REDIC1: variants seen among roughly 807,000 people sequenced by gnomAD.
REDIC1 encodes regulator of DNA class I crossover intermediates 1.
At chr12:39,742,204 G>C in the REDIC1 span, among the ~76,000 whole-genome samples, 1 of 152,166 alleles carries the variant, frequency 6.6e-6, no homozygotes, top group African/African-American at 2.4e-5. Flanking sequence ...TTTACAGGTA[G>C]CAGTCAGTAC....
chr12:39,725,086 C>T, the REDIC1 span, among the ~76,000 whole-genome samples: 1 of 151,854 alleles, frequency 6.6e-6, no homozygotes, highest in Non-Finnish European at 1.5e-5. Context: ...ATGACAGAGC[C>T]TCAAAGTCAA....
the REDIC1 span, among the ~76,000 whole-genome samples, chr12:39,652,533 A>G: frequency 1.3e-5 from 2 of 152,058 alleles, no homozygotes; most frequent in Admixed American, 1.3e-4. Flanking sequence ...GACTCTGGTG[A>G]AATGTTTACC....
chr12:39,733,257 G>T, the REDIC1 span, among the ~76,000 whole-genome samples: 1 of 152,126 alleles, frequency 6.6e-6, no homozygotes, highest in Admixed American at 6.5e-5. Context: ...TGAAATGTTT[G>T]ATAATAATCA....
At chr12:39,777,825 C>T in the REDIC1 span, among the ~76,000 whole-genome samples, 1 of 152,168 alleles carries the variant, frequency 6.6e-6, no homozygotes, top group East Asian at 1.9e-4. Context: ...AAAACCTGCT[C>T]AATAAAACCT....
chr12:39,817,802 C>T, the REDIC1 span, among the ~76,000 whole-genome samples: 1 of 152,044 alleles, frequency 6.6e-6, no homozygotes, highest in Admixed American at 6.5e-5. Flanking sequence ...TGTCAGTATA[C>T]CCGGGGCAAT....
the REDIC1 span, among the ~76,000 whole-genome samples, chr12:39,653,592 C>CTTTTTCTTCTTCT: frequency 4.4e-5 from 1 of 22,770 alleles, no homozygotes; most frequent in African/African-American, 1.0e-4. Flanking sequence ...CTTCTTCTTC[C>CTTTTTCTTCTTCT]TCTTCTTCTT....
the REDIC1 span, among the ~76,000 whole-genome samples, chr12:39,727,210 C>G: frequency 6.6e-6 from 1 of 152,148 alleles, no homozygotes; most frequent in Non-Finnish European, 1.5e-5. Context: ...GTGTTTTAGT[C>G]ATGAGGTCTT....
At chr12:39,807,224 G>A in the REDIC1 span, among the ~76,000 whole-genome samples, 1 of 152,336 alleles carries the variant, frequency 6.6e-6, no homozygotes, top group East Asian at 1.9e-4. Flanking sequence ...GGGGAGTGGA[G>A]TGTGCTTACA....
the REDIC1 span, among the ~76,000 whole-genome samples, chr12:39,696,370 C>T: frequency 6.6e-5 from 10 of 150,476 alleles, no homozygotes; most frequent in Admixed American, 3.3e-4. Context: ...GGTGAAACCC[C>T]GTCTCTACTA....
the REDIC1 span, among the ~76,000 whole-genome samples, chr12:39,894,902 G>A: frequency 6.6e-6 from 1 of 152,204 alleles, no homozygotes; most frequent in Non-Finnish European, 1.5e-5. Flanking sequence ...ACCATCGGAT[G>A]CTTACAAGAA....
the REDIC1 span, among the ~76,000 whole-genome samples, chr12:39,704,080 A>G: frequency 1.3e-5 from 2 of 152,214 alleles, no homozygotes; most frequent in Admixed American, 1.3e-4. Context: ...AATGCGATCT[A>G]ATTAAAGTAA....
chr12:39,712,365 C>T, the REDIC1 span, among the ~76,000 whole-genome samples: 649 of 101,868 alleles, frequency 6.4e-3, 29 homozygotes, highest in African/African-American at 0.021. Flanking sequence ...TACATACATA[C>T]ATATGTATAT....
the REDIC1 span, among the ~76,000 whole-genome samples, chr12:39,893,264 T>C: frequency 1.3e-5 from 2 of 152,212 alleles, no homozygotes; most frequent in Admixed American, 1.3e-4. Context: ...CTATGTCTAT[T>C]TTATAGAAAA....
chr12:39,708,322 CAT>C, the REDIC1 span, among the ~76,000 whole-genome samples: 2 of 151,664 alleles, frequency 1.3e-5, no homozygotes, highest in Non-Finnish European at 3.0e-5. Context: ...AAAGTAATAA[CAT>C]GTATGTTTTG....
At chr12:39,626,405 G>C in the REDIC1 span, 1 of 1,612,482 alleles carries the variant, frequency 6.2e-7, no homozygotes, top group South Asian at 1.1e-5. Flanking sequence ...TCATTCCTAC[G>C]ACTCCTCTTT....
the REDIC1 span, among the ~76,000 whole-genome samples, chr12:39,653,545 C>CTTCTTCTTCTTCTTCTTCT: frequency 1.5e-5 from 2 of 132,648 alleles, no homozygotes; most frequent in African/African-American, 5.7e-5. Context: ...TCTTTTTCTT[C>CTTCTTCTTCTTCTTCTTCT]TTCTTCTTCT....
chr12:39,824,849 A>C, the REDIC1 span, among the ~76,000 whole-genome samples: 1 of 152,160 alleles, frequency 6.6e-6, no homozygotes, highest in African/African-American at 2.4e-5. Flanking sequence ...CTGAGCAAAA[A>C]AAATAAAATA....
the REDIC1 span, among the ~76,000 whole-genome samples, chr12:39,849,002 C>T: frequency 6.6e-6 from 1 of 151,980 alleles, no homozygotes; most frequent in Non-Finnish European, 1.5e-5. Context: ...AAGGAAACAA[C>T]AGACACTGGG....
the REDIC1 span, among the ~76,000 whole-genome samples, chr12:39,746,714 C>A: frequency 1.2e-4 from 18 of 152,184 alleles, no homozygotes; most frequent in African/African-American, 4.3e-4. Flanking sequence ...GCTGGGTGCC[C>A]CCCTGAGACG....
Sources: allele counts gnomAD v4.1 joint callset (sites outside exome capture counted in the v4.1 genomes callset), GRCh38; gene constraint gnomAD v4.1.1; transcripts MANE v1.5; gene names NCBI Gene and HGNC (gene_info 2026-07-23, HGNC 2026-07-21).